Variants in TRDN observed in about 807,000 individuals in gnomAD.
TRDN encodes triadin, also known as triadin in skeletal muscle.
TRDN carries 161 observed loss-of-function variants against 149.7 expected under a neutral mutation model. That is an observed-to-expected ratio of 1.08 (90% CI 0.95 to 1.23). TRDN has a LOEUF of 1.23. Ranked by LOEUF, TRDN falls within the 50% of genes most tolerant of loss-of-function variation. The pLI is 0.00. For synonymous variants in TRDN, 294 were observed against 250.5 expected, an observed-to-expected ratio of 1.17 and a Z score of -1.64; for missense variants, 896 against 823.5, an observed-to-expected ratio of 1.09 and a Z score of -1.08.
intron 12 of TRDN, among the ~76,000 whole-genome samples, chr6:123,404,914 A>C (rs1773134092): frequency 1.3e-5 from 2 of 152,234 alleles, no homozygotes; most frequent in Non-Finnish European, 2.9e-5. Context: ...AAAAGGAATT[A>C]TGCACAGCTC....
At chr6:123,326,326 C>A (rs1379734823) in intron 23 of TRDN, among the ~76,000 whole-genome samples, 4 of 151,998 alleles carry the variant, frequency 2.6e-5, no homozygotes, top group Non-Finnish European at 5.9e-5. Context: ...ACCTCAAATT[C>A]AGCATGGTGT....
At chr6:123,352,125 T>G in intron 21 of TRDN, 1 of 984,282 alleles carries the variant, frequency 1.0e-6, no homozygotes, top group Non-Finnish European at 1.2e-6. Context: ...TTTACATATT[T>G]TTTTTCAAGC....
In TRDN at chr6:123,555,817, C is replaced by G. The variant is rs193222639; in HGVS notation, c.233-7205G>C. 4.3e-3 allele frequency among the ~76,000 whole-genome samples: 661 copies of G among 152,078 alleles called. 1 individual carries two copies. Among genetic ancestry groups the G allele is most frequent in the Middle Eastern group, 0.017 (5 of 294 alleles). ...CTAACTGATAGCAATTTGAGAGGAA[C>G]AAAGGTAAAAATAATAATGAAATGC... is the stretch of plus-strand genomic sequence containing the variant. On this transcript the variant is annotated intron_variant, in intron 2 of 40. Transcript: ENST00000334268.
chr6:123,371,531 C>T (rs567313516), intron 19 of TRDN, among the ~76,000 whole-genome samples: 1 of 152,290 alleles, frequency 6.6e-6, no homozygotes, highest in African/African-American at 2.4e-5. Flanking sequence ...TGCCATGTTG[C>T]TGTGTTCATT....
In TRDN at chr6:123,359,954, C is replaced by T. The variant is rs527747417; in HGVS notation, c.1321+6181G>A. 3.3e-5 allele frequency among the ~76,000 whole-genome samples: 5 copies of T among 152,228 alleles called. No individual in the cohort carries two copies. In the East Asian group the frequency reaches 9.7e-4, roughly 29 times the overall value. ...TCATGATCCACCCATCTCGGCCTCC[C>T]AAAGTGCTGGGATTACAGGCATGAG... On this transcript the variant is annotated intron_variant, in intron 20 of 40. Transcript: ENST00000334268.
At chr6:123,519,242 A>G (rs1779553567) in intron 5 of TRDN, among the ~76,000 whole-genome samples, 1 of 152,220 alleles carries the variant, frequency 6.6e-6, no homozygotes, top group Non-Finnish European at 1.5e-5. Flanking sequence ...GATGTCTGGC[A>G]TCTGAGTTGG....
At chr6:123,568,530 A>G (rs1213787426) in intron 2 of TRDN, among the ~76,000 whole-genome samples, 1 of 152,166 alleles carries the variant, frequency 6.6e-6, no homozygotes, top group African/African-American at 2.4e-5. Context: ...TTTCCCATAC[A>G]TTCTCTGAAA....
intron 10 of TRDN, chr6:123,445,288 A>T (rs1237826476): frequency 2.6e-5 from 4 of 151,564 alleles, no homozygotes; most frequent in Non-Finnish European, 5.9e-5. Context: ...AAACCCTAGA[A>T]GAAAACCTAG....
chr6:123,593,860 TATC>T (rs1171018314), intron 1 of TRDN, among the ~76,000 whole-genome samples: 1 of 152,144 alleles, frequency 6.6e-6, no homozygotes, highest in Non-Finnish European at 1.5e-5. Flanking sequence ...ACAATAAAAT[TATC>T]TTTTAAAAGT....
chr6:123,296,207 A>T (rs1251041125), intron 24 of TRDN, among the ~76,000 whole-genome samples: 1 of 152,132 alleles, frequency 6.6e-6, no homozygotes, highest in Non-Finnish European at 1.5e-5. Context: ...GTATTAACAA[A>T]TCTTGTTTTT....
intron 12 of TRDN, among the ~76,000 whole-genome samples, chr6:123,422,492 C>A (rs969323368): frequency 6.6e-6 from 1 of 152,012 alleles, no homozygotes; most frequent in African/African-American, 2.4e-5. Flanking sequence ...GAGAGAGAGC[C>A]ATGATAATAC....
intron 38 of TRDN, among the ~76,000 whole-genome samples, chr6:123,247,437 A>G (rs571195412): frequency 6.6e-6 from 1 of 152,048 alleles, no homozygotes; most frequent in South Asian, 2.1e-4. Flanking sequence ...AAATCACAAG[A>G]ATTCCTATAC....
chr6:123,590,566 C>A (rs529304647), intron 1 of TRDN, among the ~76,000 whole-genome samples: 1 of 152,188 alleles, frequency 6.6e-6, no homozygotes, highest in Admixed American at 6.5e-5. Context: ...AGTTTGAGAC[C>A]AGCCTGGCCA....
intron 1 of TRDN, among the ~76,000 whole-genome samples, chr6:123,610,097 C>A (rs1248915233): frequency 1.3e-5 from 2 of 152,120 alleles, no homozygotes; most frequent in South Asian, 2.1e-4. Flanking sequence ...GTTGACTTCA[C>A]AAGTGAACGG....
intron 14 of TRDN, among the ~76,000 whole-genome samples, chr6:123,383,862 GA>G (rs1191718349): frequency 6.6e-6 from 1 of 151,866 alleles, no homozygotes; most frequent in Non-Finnish European, 1.5e-5. Context: ...TTTGTAAGGG[GA>G]AAAAACTCTT....
chr6:123,622,072 C>G (rs1185968354), intron 1 of TRDN, among the ~76,000 whole-genome samples: 3 of 151,980 alleles, frequency 2.0e-5, no homozygotes, highest in Non-Finnish European at 1.5e-5. Context: ...CTCTGGCCTC[C>G]CCTTCCAACT....
chr6:123,324,845 C>T (rs1157505566), intron 23 of TRDN, among the ~76,000 whole-genome samples: 5 of 152,168 alleles, frequency 3.3e-5, no homozygotes, highest in African/African-American at 1.2e-4. Flanking sequence ...TCCATCCTAT[C>T]AACTTGACAT....
chr6:123,506,793 A>C (rs1332426280), intron 7 of TRDN, among the ~76,000 whole-genome samples: 1 of 152,138 alleles, frequency 6.6e-6, no homozygotes, highest in Non-Finnish European at 1.5e-5. Flanking sequence ...CACATGCAAA[A>C]AAATGGCTCT....
chr6:123,633,212 A>T (rs182429432), intron 1 of TRDN, among the ~76,000 whole-genome samples: 1 of 152,076 alleles, frequency 6.6e-6, no homozygotes, highest in Non-Finnish European at 1.5e-5. Context: ...GATACATTAC[A>T]TTGCAAGGAA....
Sources: gnomAD v4.1 joint callset for allele counts (sites outside exome capture counted in the v4.1 genomes callset) on GRCh38, gnomAD v4.1.1 for gene constraint, MANE v1.5 for transcripts, NCBI Gene and HGNC (gene_info 2026-07-23, HGNC 2026-07-21) for gene names.